Variants in PIK3C2G observed in about 807,000 individuals in gnomAD.
PIK3C2G encodes the protein phosphatidylinositol-4-phosphate 3-kinase catalytic subunit type 2 gamma.
In PIK3C2G, 168 loss-of-function variants were observed where a neutral mutation model predicts 181.1. That is an observed-to-expected ratio of 0.93 (90% CI 0.82 to 1.05). PIK3C2G has a LOEUF of 1.05. Ranked by LOEUF, PIK3C2G falls within the 50% of genes least tolerant of loss-of-function variation. The probability of loss-of-function intolerance (pLI) is 0.00; values close to 1 mark genes in which losing one functional copy is unlikely to be tolerated. For synonymous variants in PIK3C2G, 573 were observed against 592.2 expected (o/e 0.97, Z 0.47); for missense variants, 1,869 against 1,732.8 (o/e 1.08, Z -1.40).
intron 20 of PIK3C2G, among the ~76,000 whole-genome samples, chr12:18,492,083 C>T (rs1940624910): frequency 6.6e-6 from 1 of 152,178 alleles, no homozygotes; most frequent in African/African-American, 2.4e-5. Context: ...CTCACAACTT[C>T]CTAAGCCTTC....
chr12:18,574,121 A>C (rs1946115589), intron 29 of PIK3C2G, among the ~76,000 whole-genome samples: 2 of 152,186 alleles, frequency 1.3e-5, no homozygotes, highest in Admixed American at 1.3e-4. Flanking sequence ...ATCTTATTTG[A>C]GATGAATGCT....
intron 31 of PIK3C2G, among the ~76,000 whole-genome samples, chr12:18,618,774 C>T (rs1459299275): frequency 6.6e-6 from 1 of 151,996 alleles, no homozygotes; most frequent in Non-Finnish European, 1.5e-5. Context: ...AATCACAAAA[C>T]AAATGTACAT....
chr12:18,617,884 G>T (rs1038196216), intron 31 of PIK3C2G, among the ~76,000 whole-genome samples: 1 of 152,152 alleles, frequency 6.6e-6, no homozygotes, highest in Admixed American at 6.5e-5. Context: ...GCTGATTATA[G>T]TAGGCTATTA....
chr12:18,572,845 T>C (rs911452361), intron 29 of PIK3C2G, among the ~76,000 whole-genome samples: 24 of 152,274 alleles, frequency 1.6e-4, no homozygotes, highest in African/African-American at 5.8e-4. Context: ...TTATTAATTC[T>C]CTTTTATCTG....
At chr12:18,485,250 G>C (rs563480549) in intron 18 of PIK3C2G, among the ~76,000 whole-genome samples, 1 of 152,158 alleles carries the variant, frequency 6.6e-6, no homozygotes, top group Non-Finnish European at 1.5e-5. Context: ...TGAACTATCT[G>C]TACTTTTCCT....
At chr12:18,683,449 T>A in the PIK3C2G span, 1 of 1,434,882 alleles carries the variant, frequency 7.0e-7, no homozygotes, top group Non-Finnish European at 9.6e-7. Context: ...TAGAGTTATA[T>A]TCCCATCTGG....
chr12:18,723,325 T>C, the PIK3C2G span: 4 of 1,611,316 alleles, frequency 2.5e-6, no homozygotes, highest in Non-Finnish European at 3.4e-6. Flanking sequence ...TTCGATAGGC[T>C]CGTATTTCTG....
intron 16 of PIK3C2G, among the ~76,000 whole-genome samples, chr12:18,402,758 C>G (rs1016345863): frequency 3.3e-5 from 5 of 152,142 alleles, no homozygotes; most frequent in Non-Finnish European, 7.4e-5. Context: ...TCCCTGATAA[C>G]TAAGCAGAAT....
chr12:18,706,903 CA>C, the PIK3C2G span, among the ~76,000 whole-genome samples: 1 of 152,226 alleles, frequency 6.6e-6, no homozygotes, highest in Non-Finnish European at 1.5e-5. Flanking sequence ...TCACTGGTCT[CA>C]AATCAAGGTG....
chr12:18,391,281 T>C (rs1943517833), intron 15 of PIK3C2G, 29 bp downstream of exon 15: 4 of 1,517,336 alleles, frequency 2.6e-6, no homozygotes, highest in Non-Finnish European at 2.6e-6. Context: ...GTGAATGAAT[T>C]TTTGCCTGCT....
At chr12:18,259,963 AC>A (rs2136989017), upstream of PIK3C2G, among the ~76,000 whole-genome samples, 1 of 152,232 alleles carries the variant, frequency 6.6e-6, no homozygotes, top group South Asian at 2.1e-4. Context: ...TAAAAGTGCT[AC>A]TAAAATAGGT....
Position 18,414,501 on chromosome 12 carries a change from T to C in PIK3C2G, c.2316-6440T>C, listed in dbSNP as rs567642322. ...TACAAAAAATGGCTCTTAGTATTTT[T>C]ATTTCATTAAACTTTTTTACTATTT... On this transcript the variant is annotated intron_variant, in intron 16 of 32. Coordinates refer to ENST00000538779, the MANE Select transcript of PIK3C2G (RefSeq NM_001288772.2). 2.6e-5 allele frequency among the ~76,000 whole-genome samples: 4 copies of C among 152,236 alleles called. No homozygotes were observed. The South Asian group carries it at 8.3e-4, about 32-fold the overall frequency.
At chr12:18,392,381 C>A (rs1350697825) in intron 15 of PIK3C2G, among the ~76,000 whole-genome samples, 1 of 151,992 alleles carries the variant, frequency 6.6e-6, no homozygotes, top group Non-Finnish European at 1.5e-5. Context: ...TTGCTACTTT[C>A]CTACTCTCTA....
At chr12:18,456,675 T>C (rs971895296) in intron 18 of PIK3C2G, among the ~76,000 whole-genome samples, 2 of 152,168 alleles carry the variant, frequency 1.3e-5, no homozygotes, top group African/African-American at 4.8e-5. Context: ...AGGTTGAACA[T>C]ACCTGGCCCC....
chr12:18,399,753 G>C lies in PIK3C2G; in HGVS notation c.2221G>C (p.Gly741Arg), dbSNP rs1391995157. The C allele has an allele frequency of 6.2e-7, 1 of 1,607,068 alleles. No individual in the cohort carries two copies. The highest frequency in any genetic ancestry group is 1.7e-5 in the Admixed American group (1 of 59,960). ...TCCTTTAGTCCTGGGTAGTGCCCCT[G>C]GATGGGATGAAAGGACTGTTTCAGA... Reference protein sequence around the residue: ...SLPLVLGSAPGWDERTVSEMH... With the variant: ...SLPLVLGSAPRWDERTVSEMH... Residue 741 changes from glycine (G) to arginine (R), a missense_variant, in exon 16 of 33, where the codon GGA (glycine) becomes CGA (arginine). Gly to Arg is a moderately radical substitution (Grantham distance 125). Transcript: ENST00000538779.
chr12:18,256,595 T>C (rs558232516), upstream of PIK3C2G, among the ~76,000 whole-genome samples: 7 of 152,252 alleles, frequency 4.6e-5, no homozygotes, highest in Admixed American at 1.3e-4. Context: ...TAGAGTCACC[T>C]CTAGCCCGAG....
intron 16 of PIK3C2G, among the ~76,000 whole-genome samples, chr12:18,409,376 A>T (rs1296858261): frequency 1.3e-5 from 2 of 152,032 alleles, no homozygotes; most frequent in Non-Finnish European, 2.9e-5. Context: ...GGAGGGGAAC[A>T]TCACACACCA....
the PIK3C2G span, chr12:18,694,824 C>T: frequency 1.3e-5 from 14 of 1,072,038 alleles, no homozygotes; most frequent in Non-Finnish European, 1.9e-5. Context: ...GAAATTGAAG[C>T]AAATCAGTGG....
At chr12:18,294,037 G>C (rs185953660) in intron 5 of PIK3C2G, 22 bp downstream of exon 5, 18 of 1,142,072 alleles carry the variant, frequency 1.6e-5, no homozygotes, top group Non-Finnish European at 2.4e-5. Context: ...ATGAAATTTT[G>C]GTTGTATTAT....
Sources: allele counts gnomAD v4.1 joint callset (sites outside exome capture counted in the v4.1 genomes callset), GRCh38; gene constraint gnomAD v4.1.1; transcripts MANE v1.5; gene names NCBI Gene and HGNC (gene_info 2026-07-23, HGNC 2026-07-21).